Variants in SNX29 observed in about 807,000 individuals in gnomAD.
SNX29 encodes the protein sorting nexin-29.
A neutral mutation model predicts 102.1 loss-of-function variants in SNX29; 78 were observed. That is an observed-to-expected ratio of 0.76 (90% CI 0.64 to 0.92). SNX29 has a LOEUF of 0.92. Ranked by LOEUF, SNX29 falls within the 40% of genes least tolerant of loss-of-function variation. The probability of loss-of-function intolerance (pLI) is 0.00; values close to 1 mark genes in which losing one functional copy is unlikely to be tolerated. For synonymous variants in SNX29, 580 were observed against 414.5 expected (o/e 1.40, Z -4.85); for missense variants, 1,280 against 1,061.7 (o/e 1.21, Z -2.86).
At position 12,337,732 on chromosome 16, in the gene SNX29, C is replaced by T. The variant is rs879350328; in HGVS notation, c.1783-18431C>T. On this transcript the variant is annotated intron_variant, in intron 15 of 20. Transcript: ENST00000566228. ...GAAGGGAAGGATTGTCATTCAGTGA[C>T]GGTGATGGCGTGGTTTCCCTGGCCG... Among the ~76,000 whole-genome samples, 9 of 152,196 alleles carry T rather than the reference C, an allele frequency of 5.9e-5. No individual in the cohort carries two copies. In the South Asian group the frequency reaches 1.2e-3, roughly 21 times the overall value.
chr16:11,978,671 A>C (rs1256556134), intron 1 of SNX29, among the ~76,000 whole-genome samples: 2 of 152,210 alleles, frequency 1.3e-5, no homozygotes, highest in African/African-American at 4.8e-5. Flanking sequence ...AGTCTTTGCC[A>C]CAAGCTCACA....
At chr16:12,058,064 C>T (rs1396501151) in intron 8 of SNX29, among the ~76,000 whole-genome samples, 1 of 152,052 alleles carries the variant, frequency 6.6e-6, no homozygotes, top group Non-Finnish European at 1.5e-5. Context: ...AGGTGATCTG[C>T]CCACCTTGGC....
At chr16:12,047,735 A>G (rs1223682341) in intron 6 of SNX29, among the ~76,000 whole-genome samples, 3 of 143,270 alleles carry the variant, frequency 2.1e-5, no homozygotes, top group African/African-American at 5.3e-5. Context: ...TTGGCTCACC[A>G]CAACCTCTGC....
At chr16:12,557,077 A>G (rs1202239453) in intron 20 of SNX29, among the ~76,000 whole-genome samples, 2 of 143,664 alleles carry the variant, frequency 1.4e-5, no homozygotes, top group African/African-American at 5.2e-5. Context: ...AGAGTCTGCC[A>G]GGCTCAAGCC....
At chr16:12,039,670 G>C (rs946275439) in intron 4 of SNX29, among the ~76,000 whole-genome samples, 1 of 152,200 alleles carries the variant, frequency 6.6e-6, no homozygotes, top group Non-Finnish European at 1.5e-5. Flanking sequence ...AGGTCTGACT[G>C]TAAAGACTCA....
intron 13 of SNX29, among the ~76,000 whole-genome samples, chr16:12,131,448 C>T (rs1167877753): frequency 1.3e-5 from 2 of 152,298 alleles, no homozygotes; most frequent in Non-Finnish European, 2.9e-5. Flanking sequence ...TACCTTCTAG[C>T]ACTGCTTAGG....
chr16:12,388,940 C>T (rs1160511892), intron 16 of SNX29, among the ~76,000 whole-genome samples: 2 of 152,162 alleles, frequency 1.3e-5, no homozygotes, highest in Non-Finnish European at 2.9e-5. Flanking sequence ...AGAGGATCAA[C>T]CCAGGTGTAT....
intron 19 of SNX29, among the ~76,000 whole-genome samples, chr16:12,490,701 G>C (rs1158199736): frequency 2.6e-5 from 4 of 152,176 alleles, no homozygotes; most frequent in African/African-American, 7.2e-5. Flanking sequence ...AGGATACCAG[G>C]CACCTGTGTT....
At chr16:12,059,036 C>T (rs374555628) in intron 8 of SNX29, among the ~76,000 whole-genome samples, 27 of 152,056 alleles carry the variant, frequency 1.8e-4, no homozygotes, top group East Asian at 1.7e-3. Context: ...CCCAAAGTAC[C>T]GGAATTATAA....
At chr16:12,117,021 C>T (rs565630650) in intron 11 of SNX29, among the ~76,000 whole-genome samples, 8 of 148,524 alleles carry the variant, frequency 5.4e-5, no homozygotes, top group East Asian at 2.0e-4. Flanking sequence ...TGCTTCAGTG[C>T]GGACGAACCA....
At chr16:11,987,943 C>T (rs776306305) in intron 1 of SNX29, among the ~76,000 whole-genome samples, 5 of 152,118 alleles carry the variant, frequency 3.3e-5, no homozygotes, top group Non-Finnish European at 7.3e-5. Context: ...AGATTGTTAC[C>T]AGTGGTGTGT....
chr16:12,270,456 C>T (rs938847690), intron 14 of SNX29, among the ~76,000 whole-genome samples: 4 of 152,202 alleles, frequency 2.6e-5, no homozygotes, highest in Admixed American at 2.6e-4. Flanking sequence ...CAAATTGAAC[C>T]TTCTCGACTT....
intron 14 of SNX29, among the ~76,000 whole-genome samples, chr16:12,246,396 T>C (rs2078260695): frequency 6.6e-6 from 1 of 152,080 alleles, no homozygotes; most frequent in Non-Finnish European, 1.5e-5. Context: ...ATCCCAGCAC[T>C]TTGGGAGGCT....
At chr16:12,120,399 T>A (rs970945803) in intron 11 of SNX29, among the ~76,000 whole-genome samples, 13 of 152,204 alleles carry the variant, frequency 8.5e-5, no homozygotes, top group African/African-American at 3.1e-4. Flanking sequence ...GATCTATGTA[T>A]ATATGTGAGA....
chr16:12,304,174 G>GTTTTTTT (rs760514032), intron 15 of SNX29, among the ~76,000 whole-genome samples: 2 of 147,160 alleles, frequency 1.4e-5, no homozygotes, highest in Admixed American at 6.7e-5. Context: ...TCCTATCACT[G>GTTTTTTT]TTTTTTGTTT....
intron 16 of SNX29, among the ~76,000 whole-genome samples, chr16:12,362,975 C>G (rs1038256860): frequency 1.3e-5 from 2 of 152,158 alleles, no homozygotes; most frequent in Non-Finnish European, 2.9e-5. Context: ...CCATGCCATG[C>G]CAGCCCATCT....
chr16:12,568,804 C>G lies in SNX29; in HGVS notation c.*175C>G. On this transcript the variant is annotated 3_prime_UTR_variant, in exon 21 of 21. Transcript: ENST00000566228. The stretch of plus-strand genomic sequence containing the variant: ...ATTAAACTAATCAGTCTTCGAGCCG[C>G]ATGATACCGTGACCCGAGAGACCAA... The G allele has an allele frequency of 9.7e-7, 1 of 1,032,272 alleles. No homozygotes were observed. Among genetic ancestry groups the G allele is most frequent in the Non-Finnish European group, 1.4e-6 (1 of 731,658 alleles). 63.9% of individuals were successfully genotyped at this position (1,032,272 alleles called of 1,614,324 possible).
At chr16:12,112,576 A>G (rs1419397427) in intron 11 of SNX29, among the ~76,000 whole-genome samples, 2 of 152,208 alleles carry the variant, frequency 1.3e-5, no homozygotes, top group African/African-American at 2.4e-5. Context: ...GAGGCTGTGA[A>G]GTGAATGCCG....
chr16:12,538,349 C>T (rs987613803), intron 20 of SNX29, among the ~76,000 whole-genome samples: 6 of 152,074 alleles, frequency 3.9e-5, no homozygotes, highest in Non-Finnish European at 4.4e-5. Flanking sequence ...CTCGGTCTTC[C>T]AAAGTGCTGA....
Sources: allele counts gnomAD v4.1 joint callset (sites outside exome capture counted in the v4.1 genomes callset), GRCh38; gene constraint gnomAD v4.1.1; transcripts MANE v1.5; gene names NCBI Gene and HGNC (gene_info 2026-07-23, HGNC 2026-07-21).